Variants in SPAG9 observed in about 807,000 individuals in gnomAD.
SPAG9 encodes the protein sperm associated antigen 9, also known as C-Jun-amino-terminal kinase-interacting protein 4.
A neutral mutation model predicts 166.5 loss-of-function variants in SPAG9; 35 were observed. That is an observed-to-expected ratio of 0.21 (90% confidence interval 0.16 to 0.28). The LOEUF is 0.28. Ranked by LOEUF, SPAG9 falls within the 10% of genes least tolerant of loss-of-function variation. The pLI is 1.00. For synonymous variants in SPAG9, 534 were observed against 565.5 expected, an observed-to-expected ratio of 0.94 and a Z score of 0.79; for missense variants, 1,235 against 1,603.3, an observed-to-expected ratio of 0.77 and a Z score of 3.92.
rs919789814 is a variant in SPAG9, at chr17:50,966,210, T to C, written c.*62A>G. The stretch of plus-strand genomic sequence containing the variant: ...CACAAAAGAGCATTAAATAAAAGGA[T>C]AGAGGGAAAATAAACCATGCAGAAG... On this transcript the variant is annotated 3_prime_UTR_variant, in exon 30 of 30. Transcript: ENST00000262013. 10 of 976,994 alleles carry C rather than the reference T, an allele frequency of 1.0e-5. No homozygotes were observed. Among genetic ancestry groups the C allele is most frequent in the African/African-American group, 3.2e-5 (2 of 62,318 alleles). The allele number at this position is 976,994 out of a possible 1,614,324, so 60.5% of individuals were successfully genotyped here.
At chr17:51,079,807 C>T (rs2048112110) in intron 1 of SPAG9, 103 bp from the exon 2 acceptor site, 3 of 737,696 alleles carry the variant, frequency 4.1e-6, no homozygotes, top group Middle Eastern at 4.1e-4. Context: ...GTATTAACTA[C>T]TTAGATCTCA....
intron 1 of SPAG9, among the ~76,000 whole-genome samples, chr17:51,100,202 G>A (rs1002429158): frequency 1.3e-5 from 2 of 152,164 alleles, no homozygotes; most frequent in African/African-American, 2.4e-5. Context: ...ATTTAATTTG[G>A]CTGCTGAGAA....
chr17:51,018,879 G>GT (rs2045815876), intron 8 of SPAG9, among the ~76,000 whole-genome samples: 1 of 152,114 alleles, frequency 6.6e-6, no homozygotes, highest in South Asian at 2.1e-4. Context: ...CCGCTTCTTG[G>GT]TTTTTTCAAG....
chr17:50,989,306 C>G (rs1042076731), intron 21 of SPAG9, among the ~76,000 whole-genome samples: 2 of 152,178 alleles, frequency 1.3e-5, no homozygotes, highest in Non-Finnish European at 2.9e-5. Flanking sequence ...ATGGGCTATA[C>G]CATATGGCCT....
intron 6 of SPAG9, chr17:51,023,340 T>G (rs1229410403): frequency 4.9e-6 from 1 of 202,358 alleles, no homozygotes; most frequent in Non-Finnish European, 9.9e-6. Flanking sequence ...ATATATACTA[T>G]ATATAATTCC....
rs144871027 is a variant in SPAG9 at position 51,048,328 on chromosome 17, T to C, written c.496-859A>G. ...GCCTTTGCTAGAGATACTAACATGA[T>C]ATGAATAAGAAAAAAATGAATTTTA... On this transcript the variant is annotated intron_variant, in intron 3 of 29. Transcript: ENST00000262013. Among the ~76,000 whole-genome samples the C allele has an allele frequency of 2.0e-3, 303 of 152,130 alleles. 2 individuals carry two copies. The highest frequency in any genetic ancestry group is 6.5e-3 in the African/African-American group (270 of 41,542).
At chr17:51,079,822 T>C in intron 1 of SPAG9, 118 bp from the exon 2 acceptor site, 1 of 644,746 alleles carries the variant, frequency 1.6e-6, no homozygotes, top group Admixed American at 3.1e-5. Flanking sequence ...ATCTCAGAAT[T>C]ATGACCTTGG....
chr17:51,115,540 G>A (rs1403472915), intron 1 of SPAG9, among the ~76,000 whole-genome samples: 1 of 151,772 alleles, frequency 6.6e-6, no homozygotes, highest in Non-Finnish European at 1.5e-5. Context: ...TCTCAAAAAG[G>A]AGGGAAGGAG....
intron 9 of SPAG9, among the ~76,000 whole-genome samples, chr17:51,010,605 A>G (rs1158504749): frequency 2.0e-5 from 3 of 149,580 alleles, no homozygotes; most frequent in East Asian, 1.9e-4. Flanking sequence ...ATATATACAT[A>G]TATGTATGTA....
rs866121044 is a variant in SPAG9, at chr17:51,061,483, G to A, written c.425-5001C>T. Among the ~76,000 whole-genome samples the A allele has an allele frequency of 7.2e-5, 11 of 151,984 alleles. No homozygotes were observed. In the South Asian group the frequency reaches 1.0e-3, roughly 14 times the overall value. On this transcript the variant is annotated intron_variant, in intron 2 of 29. Transcript: ENST00000262013. ...AAATTAGCTGGGCATGGTGGTGCAC[G>A]CCTGTAATCCTAGCTACTCAGAAGG...
intron 1 of SPAG9, among the ~76,000 whole-genome samples, chr17:51,092,063 A>C (rs1196763527): frequency 1.3e-5 from 2 of 152,082 alleles, no homozygotes; most frequent in East Asian, 3.8e-4. Context: ...AAAGAAAAGA[A>C]AAAGAATAGC....
chr17:51,023,768 G>A (rs1431888343), intron 6 of SPAG9, among the ~76,000 whole-genome samples: 3 of 152,074 alleles, frequency 2.0e-5, no homozygotes, highest in African/African-American at 7.2e-5. Flanking sequence ...AGGCTCAAGC[G>A]ATTCTCGTGC....
intron 2 of SPAG9, among the ~76,000 whole-genome samples, chr17:51,074,202 G>C (rs570767456): frequency 6.6e-6 from 1 of 151,802 alleles, no homozygotes; most frequent in East Asian, 1.9e-4. Context: ...CACCACTGCA[G>C]TCCAGACTGG....
rs1334899499 is a variant in SPAG9 at position 51,021,205 on chromosome 17, T to C, written c.944A>G (p.Lys315Arg). ...CTGGGCTACCTGTACTTCAATGTGT[T>C]TGCTTATCTCTGATTTATTTGGCGC... is the stretch of plus-strand genomic sequence containing the variant. ...TDAPNKSEISKHIEVQVAQET... is the reference protein window; with the variant it reads ...TDAPNKSEISRHIEVQVAQET... Residue 315 changes from lysine (K) to arginine (R), a missense_variant, in exon 7 of 30, where the codon AAA (lysine) becomes AGA (arginine). Physicochemically the swap from Lys to Arg is conservative, Grantham distance 26. Coordinates refer to ENST00000262013, the MANE Select transcript of SPAG9 (RefSeq NM_001130528.3). 6.2e-7 allele frequency: 1 copy of C among 1,614,094 alleles called. No individual in the cohort carries two copies. Among genetic ancestry groups the C allele is most frequent in the South Asian group, 1.1e-5 (1 of 91,078 alleles).
At chr17:51,075,195 CAAAAAAAAAAAAAAA>C (rs57533555) in intron 2 of SPAG9, among the ~76,000 whole-genome samples, 1 of 28,950 alleles carries the variant, frequency 3.5e-5, no homozygotes, top group South Asian at 2.7e-3. Flanking sequence ...GACTCCATCT[CAAAAAAAAAAAAAAA>C]AAAAAAAAAA....
intron 2 of SPAG9, among the ~76,000 whole-genome samples, chr17:51,077,093 T>TCTAGCTAGCTATCTAGCTAG (rs879689153): frequency 3.6e-5 from 2 of 56,062 alleles, no homozygotes; most frequent in Non-Finnish European, 4.2e-5. Flanking sequence ...TAGCTAGCTA[T>TCTAGCTAGCTATCTAGCTAG]CTATCTAGCT....
chr17:51,092,070 T>A (rs1265869952), intron 1 of SPAG9, among the ~76,000 whole-genome samples: 8 of 151,194 alleles, frequency 5.3e-5, no homozygotes, highest in African/African-American at 1.9e-4. Context: ...AGAAAAAGAA[T>A]AGCCATTTAA....
intron 1 of SPAG9, among the ~76,000 whole-genome samples, chr17:51,102,057 T>C (rs77274863): frequency 0.022 from 3,421 of 152,208 alleles, 107 homozygotes; most frequent in African/African-American, 0.068. Flanking sequence ...TTTTATCTGT[T>C]ACTCTAAGGT....
chr17:51,013,530 C>T (rs2045575653), intron 9 of SPAG9, among the ~76,000 whole-genome samples: 1 of 152,180 alleles, frequency 6.6e-6, no homozygotes. Flanking sequence ...ACTTTATTTA[C>T]ACACGCACAC....
Sources: gnomAD v4.1 joint callset for allele counts (sites outside exome capture counted in the v4.1 genomes callset) on GRCh38, gnomAD v4.1.1 for gene constraint, MANE v1.5 for transcripts, NCBI Gene and HGNC (gene_info 2026-07-23, HGNC 2026-07-21) for gene names.